The following COL6A6 variants were observed in gnomAD, a reference collection of about 807,000 sequenced individuals.
The protein encoded by COL6A6 is collagen type VI alpha 6 chain.
In COL6A6, 183 loss-of-function variants were observed where a neutral mutation model predicts 208.6. The observed-to-expected ratio is 0.88, with a 90% CI of 0.78 to 0.99. The LOEUF is 0.99. COL6A6 is among the 50% of genes least tolerant of loss of function. COL6A6 has a pLI of 0.00. For missense variants in COL6A6, 2,816 were observed against 2,815.2 expected (o/e 1.00, Z -0.01); for synonymous variants, 973 against 1,011.8 (o/e 0.96, Z 0.73).
chr3:130,527,118 G>T (rs953263673), intron 1 of COL6A6, among the ~76,000 whole-genome samples: 4 of 152,164 alleles, frequency 2.6e-5, no homozygotes, highest in African/African-American at 9.7e-5. Flanking sequence ...GGGAGGGAAG[G>T]GTTGCCAAAA....
intron 33 of COL6A6, among the ~76,000 whole-genome samples, chr3:130,653,274 G>T (rs1419491960): frequency 2.0e-5 from 3 of 152,124 alleles, no homozygotes; most frequent in Non-Finnish European, 2.9e-5. Flanking sequence ...TTACACTGCT[G>T]TGTGGCGTCG....
chr3:130,554,319 CAATGGTGTTG>C (rs2062717002), intron 1 of COL6A6, among the ~76,000 whole-genome samples: 1 of 152,132 alleles, frequency 6.6e-6, no homozygotes, highest in African/African-American at 2.4e-5. Context: ...TTCACAGTGG[CAATGGTGTTG>C]ACATGGGGGT....
chr3:130,628,626 T>C (rs1420569722), intron 26 of COL6A6, among the ~76,000 whole-genome samples: 2 of 152,214 alleles, frequency 1.3e-5, no homozygotes, highest in South Asian at 2.1e-4. Context: ...TCAATTATAG[T>C]CTTTGAACAA....
At chr3:130,634,689 T>C in intron 27 of COL6A6, 64 bp downstream of exon 27, 1 of 1,211,662 alleles carries the variant, frequency 8.3e-7, no homozygotes, top group Non-Finnish European at 1.2e-6. Context: ...ATGAAATGTA[T>C]CCTAGGCCAG....
At chr3:130,622,100 G>A (rs80275704) in intron 24 of COL6A6, among the ~76,000 whole-genome samples, 6,081 of 152,038 alleles carry the variant, frequency 0.04, 302 homozygotes, top group Admixed American at 0.14. Flanking sequence ...AAGAGGGGAG[G>A]GATACACCCT....
At chr3:130,552,834 A>C (rs539239338) in intron 1 of COL6A6, among the ~76,000 whole-genome samples, 5 of 152,234 alleles carry the variant, frequency 3.3e-5, no homozygotes, top group African/African-American at 9.6e-5. Flanking sequence ...GTCTCTCTTA[A>C]GGCAGGTCTG....
Position 130,675,471 on chromosome 3 carries a change from C to G in COL6A6, c.*74C>G. On this transcript the variant is annotated 3_prime_UTR_variant, in exon 37 of 37. Transcript: ENST00000358511. ...CTTAAATAGTAACTAAATCTGCTGC[C>G]AGAACTCAAGCAACAGTTTGTAGGT... is the stretch of plus-strand genomic sequence containing the variant. 1 of 1,140,482 alleles carries G rather than the reference C, an allele frequency of 8.8e-7. No homozygotes were observed. Among genetic ancestry groups the G allele is most frequent in the Non-Finnish European group, 1.2e-6 (1 of 819,138 alleles). 70.6% of individuals were successfully genotyped at this position (1,140,482 alleles called of 1,614,324 possible).
At chr3:130,518,142 A>G (rs1710851048) in intron 1 of COL6A6, among the ~76,000 whole-genome samples, 1 of 152,010 alleles carries the variant, frequency 6.6e-6, no homozygotes, top group African/African-American at 2.4e-5. Flanking sequence ...TTAAAAGTCT[A>G]CTCTATGGAT....
intron 1 of COL6A6, among the ~76,000 whole-genome samples, chr3:130,545,553 A>C (rs1272037799): frequency 6.6e-6 from 1 of 151,222 alleles, no homozygotes; most frequent in African/African-American, 2.4e-5. Context: ...TCCCGGATTC[A>C]AGTGATTCTC....
chr3:130,664,219 C>T lies in COL6A6; in HGVS notation c.6503-784C>T, dbSNP rs1447289413. On this transcript the variant is annotated intron_variant, in intron 35 of 36. Coordinates refer to ENST00000358511, the MANE Select transcript of COL6A6 (RefSeq NM_001102608.3). ...TGCTGACAAACCATCTGATACTTAA[C>T]ACAGATAAAAAAATTAAAAATCAGG... Among the ~76,000 whole-genome samples, 3 of 152,198 alleles carry T rather than the reference C, an allele frequency of 2.0e-5. No homozygotes were observed. In the East Asian group the frequency reaches 5.8e-4, roughly 29 times the overall value.
chr3:130,664,879 A>C (rs2066033343), intron 35 of COL6A6, 124 bp from the exon 36 acceptor site: 6 of 627,300 alleles, frequency 9.6e-6, no homozygotes, highest in Non-Finnish European at 1.7e-5. Flanking sequence ...TCATGTGATC[A>C]CCTTAGTTGG....
chr3:130,541,567 G>A (rs9834309), intron 1 of COL6A6, among the ~76,000 whole-genome samples: 104,729 of 152,064 alleles, frequency 0.69, 39,661 homozygotes, highest in Non-Finnish European at 0.85. Flanking sequence ...GCATTCCCAT[G>A]AGCAATGAAT....
intron 20 of COL6A6, among the ~76,000 whole-genome samples, chr3:130,605,112 G>A (rs1360404617): frequency 6.6e-6 from 1 of 152,072 alleles, no homozygotes; most frequent in African/African-American, 2.4e-5. Flanking sequence ...TCATAGCTTA[G>A]GCTGTACCTC....
chr3:130,650,940 C>CT (rs2065624689), intron 33 of COL6A6, among the ~76,000 whole-genome samples: 1 of 152,162 alleles, frequency 6.6e-6, no homozygotes, highest in East Asian at 1.9e-4. Context: ...AGATTAGAGG[C>CT]TAAAAGTGGC....
chr3:130,622,685 A>G (rs555912184), intron 24 of COL6A6, among the ~76,000 whole-genome samples: 50 of 151,692 alleles, frequency 3.3e-4, no homozygotes, highest in African/African-American at 9.2e-4. Flanking sequence ...GTGAAACCCC[A>G]TCTCTACTAA....
chr3:130,644,938 A>T (rs1222709201), intron 31 of COL6A6, 53 bp from the exon 32 acceptor site: 6 of 1,559,892 alleles, frequency 3.8e-6, no homozygotes, highest in Non-Finnish European at 5.3e-6. Flanking sequence ...ACGATACAGA[A>T]CTCTCTTCTC....
intron 19 of COL6A6, among the ~76,000 whole-genome samples, chr3:130,599,228 T>C (rs190863229): frequency 6.6e-6 from 1 of 152,348 alleles, no homozygotes; most frequent in Non-Finnish European, 1.5e-5. Context: ...TAGTAAGTGG[T>C]AAATGTAAGT....
chr3:130,544,478 T>G (rs1487103278), intron 1 of COL6A6, among the ~76,000 whole-genome samples: 1 of 152,246 alleles, frequency 6.6e-6, no homozygotes, highest in Non-Finnish European at 1.5e-5. Flanking sequence ...GTGAACAGTG[T>G]TGCAATGAAC....
rs370873490 is a variant in COL6A6 at position 130,560,388 on chromosome 3, C to T, written c.24C>T (p.Leu8=). MMLLILF[L]VIICSHISVN... is the part of the protein sequence containing the mutation. ...ATATGATGTTGCTAATTTTGTTCCTCGTGATAATTTGTTCCCATATTTCTG... is the reference window on the plus strand; with the variant it reads ...ATATGATGTTGCTAATTTTGTTCCTTGTGATAATTTGTTCCCATATTTCTG... Residue 8 remains leucine, a synonymous_variant, in exon 2 of 37, where the codon CTC becomes CTT. Transcript: ENST00000358511. 8.7e-6 allele frequency: 14 copies of T among 1,611,352 alleles called. No individual in the cohort carries two copies. The highest frequency in any genetic ancestry group is 1.6e-4 in the Middle Eastern group (1 of 6,072).
Sources: gnomAD v4.1 joint callset for allele counts (sites outside exome capture counted in the v4.1 genomes callset) on GRCh38, gnomAD v4.1.1 for gene constraint, MANE v1.5 for transcripts, NCBI Gene and HGNC (gene_info 2026-07-23, HGNC 2026-07-21) for gene names.